The following DOC2B variants were observed in gnomAD, a reference collection of about 807,000 sequenced individuals.
The protein encoded by DOC2B is double C2 domain beta.
Under a neutral mutation model 28.9 loss-of-function variants are expected in DOC2B, and 21 were observed. That is an observed-to-expected ratio of 0.73 (90% CI 0.52 to 1.05). The LOEUF is 1.05. Ranked by LOEUF, DOC2B falls within the 50% of genes least tolerant of loss-of-function variation. The probability of loss-of-function intolerance (pLI) is 0.00; values close to 1 mark genes in which losing one functional copy is unlikely to be tolerated. For missense variants in DOC2B, 384 were observed against 421.1 expected, an observed-to-expected ratio of 0.91 and a Z score of 0.77; for synonymous variants, 194 against 178.1, an observed-to-expected ratio of 1.09 and a Z score of -0.71.
At chr17:172,399 T>C in intron 2 of DOC2B, 138 bp downstream of exon 2, 2 of 615,982 alleles carry the variant, frequency 3.2e-6, no homozygotes, top group Non-Finnish European at 5.4e-6. Context: ...AATTCCTTCC[T>C]GGCCCCGCAC....
At chr17:175,437 T>C (rs2040359487) in intron 1 of DOC2B, among the ~76,000 whole-genome samples, 1 of 152,234 alleles carries the variant, frequency 6.6e-6, no homozygotes, top group African/African-American at 2.4e-5. Context: ...CAGCCCGAGA[T>C]GCACCAATCT....
At chr17:148,054 C>T in intron 8 of DOC2B, 119 bp downstream of exon 8, 1 of 397,014 alleles carries the variant, frequency 2.5e-6, no homozygotes, top group Non-Finnish European at 4.4e-6. Flanking sequence ...GTCTGAGGCC[C>T]CTGACCTAGG....
intron 8 of DOC2B, among the ~76,000 whole-genome samples, chr17:147,838 G>A (rs2151457066): frequency 6.6e-6 from 1 of 152,356 alleles, no homozygotes; most frequent in South Asian, 2.1e-4. Context: ...GCCTGAAGAG[G>A]GGAGAAAGGG....
rs1434767487 is a variant in DOC2B, at chr17:158,245, CCT to C, written c.766-1870_766-1869del. Among the ~76,000 whole-genome samples the C allele has an allele frequency of 7.9e-5, 12 of 152,194 alleles. No individual in the cohort carries two copies. The East Asian group carries it at 2.3e-3, about 29-fold the overall frequency. ...CTTCTGGCTGCTGCACACCCCAAAC[CCT>C]CTCTCCTAGGCCCTCAGCCCCCCCA... is the stretch of plus-strand genomic sequence containing the variant. On this transcript the variant is annotated intron_variant, in intron 5 of 8. Transcript: ENST00000613549.
At chr17:177,952 C>T (rs760624759) in intron 1 of DOC2B, among the ~76,000 whole-genome samples, 11 of 152,380 alleles carry the variant, frequency 7.2e-5, no homozygotes, top group Non-Finnish European at 1.2e-4. Flanking sequence ...AGGTTTAACA[C>T]GGGCATGTGA....
intron 6 of DOC2B, among the ~76,000 whole-genome samples, chr17:152,355 G>A (rs549717069): frequency 6.6e-5 from 10 of 152,260 alleles, no homozygotes; most frequent in African/African-American, 2.2e-4. Context: ...ACATGTCAGC[G>A]ATTGTCACAG....
At chr17:169,017 T>A (rs1366584045) in intron 2 of DOC2B, among the ~76,000 whole-genome samples, 1 of 152,038 alleles carries the variant, frequency 6.6e-6, no homozygotes. Flanking sequence ...AGGGAAGAGA[T>A]GGGGGGTCTG....
At chr17:177,959 G>A (rs1332479086) in intron 1 of DOC2B, among the ~76,000 whole-genome samples, 1 of 152,280 alleles carries the variant, frequency 6.6e-6, no homozygotes, top group Non-Finnish European at 1.5e-5. Flanking sequence ...ACACGGGCAT[G>A]TGATCCAATT....
chr17:181,183 A>ACCCGGGCTGGGG lies in DOC2B; in HGVS notation c.285_296dup (p.Gly99_Pro102dup), dbSNP rs977248255. On this transcript the variant is annotated inframe_insertion, in exon 1 of 9. Transcript: ENST00000613549. The surrounding 1 kb of genome is among the most constrained non-coding windows in gnomAD (Gnocchi z 7.0). ...TGGCTGGCGGCCGCGCGGGGCTGGG[A>ACCCGGGCTGGGG]CCCGGGCTGGGGCCCGGGCTGGAGC... The ACCCGGGCTGGGG allele has an allele frequency of 8.0e-7, 1 of 1,243,720 alleles. No individual in the cohort carries two copies. The allele number at this position is 1,243,720 out of a possible 1,614,324, so 77.0% of individuals were successfully genotyped here.
At chr17:180,027 T>G (rs1597839656) in intron 1 of DOC2B, among the ~76,000 whole-genome samples, 1 of 152,090 alleles carries the variant, frequency 6.6e-6, no homozygotes, top group Non-Finnish European at 1.5e-5. Context: ...CCCTGGTGAG[T>G]GCCCAGGCCA....
chr17:172,468 G>T, intron 2 of DOC2B, 69 bp downstream of exon 2: 2 of 1,334,020 alleles, frequency 1.5e-6, no homozygotes, highest in Non-Finnish European at 1.0e-6. Flanking sequence ...GTGTGGTCTG[G>T]CCTCCCTGAC....
chr17:158,777 A>G (rs2894722), intron 5 of DOC2B, among the ~76,000 whole-genome samples: 128,811 of 152,206 alleles, frequency 0.85, 55,218 homozygotes, highest in Non-Finnish European at 0.91. Context: ...AGGCACAGTG[A>G]CTCATGCCTG....
At chr17:152,081 G>A (rs767896492) in intron 6 of DOC2B, among the ~76,000 whole-genome samples, 2 of 152,082 alleles carry the variant, frequency 1.3e-5, no homozygotes, top group Non-Finnish European at 2.9e-5. Flanking sequence ...TGGCCACCGG[G>A]GCTCACGGAG....
chr17:161,282 C>T, intron 5 of DOC2B, 133 bp downstream of exon 5: 2 of 960,322 alleles, frequency 2.1e-6, no homozygotes, highest in Non-Finnish European at 3.1e-6. Context: ...CTTGACTCTC[C>T]ATGCTCACCT....
chr17:181,248 C>T lies in DOC2B; in HGVS notation c.232G>A (p.Glu78Lys), dbSNP rs1350132998. ...AGCTGGTCCACATCCTCGTCGTCCT[C>T]GCGGGCGCCGTCGGAGGGGCTGCGG... ...GRRSPSDGAR[E>K]DDEDVDQLFG... Residue 78 changes from glutamate (E) to lysine (K), a missense_variant, in exon 1 of 9, where the codon GAG (glutamate) becomes AAG (lysine). By Grantham distance (56) the Glu-to-Lys change is moderately conservative. Transcript: ENST00000613549. The surrounding 1 kb of genome is among the most constrained non-coding windows in gnomAD (Gnocchi z 7.0). The T allele has an allele frequency of 5.9e-5, 72 of 1,213,058 alleles. 1 individual carries two copies. In the Admixed American group the frequency reaches 2.0e-3, roughly 33 times the overall value. The allele number at this position is 1,213,058 out of a possible 1,614,324, so 75.1% of individuals were successfully genotyped here.
chr17:155,247 C>T (rs962590860), intron 6 of DOC2B, among the ~76,000 whole-genome samples: 3 of 152,104 alleles, frequency 2.0e-5, no homozygotes, highest in Non-Finnish European at 4.4e-5. Flanking sequence ...CCTGCCTTGG[C>T]CTCCCAAAGT....
At chr17:154,898 T>C (rs1290420017) in intron 6 of DOC2B, among the ~76,000 whole-genome samples, 4 of 152,146 alleles carry the variant, frequency 2.6e-5, no homozygotes, top group African/African-American at 9.6e-5. Context: ...CCCAGCTAAT[T>C]TTTTTATTTT....
At chr17:160,758 A>C (rs2040192220) in intron 5 of DOC2B, among the ~76,000 whole-genome samples, 1 of 152,158 alleles carries the variant, frequency 6.6e-6, no homozygotes, top group Non-Finnish European at 1.5e-5. Context: ...CATAGAGACC[A>C]AGACTCAGAG....
intron 2 of DOC2B, among the ~76,000 whole-genome samples, chr17:165,487 TAA>T (rs3029494): frequency 0.019 from 2,209 of 119,016 alleles, 68 homozygotes; most frequent in African/African-American, 0.064. Context: ...GTCTCAAGTT[TAA>T]AAAAAAAAAA....
Sources: allele counts gnomAD v4.1 joint callset (sites outside exome capture counted in the v4.1 genomes callset), GRCh38; gene constraint gnomAD v4.1.1; non-coding constraint Gnocchi (gnomAD v3.1); transcripts MANE v1.5; gene names NCBI Gene and HGNC (gene_info 2026-07-23, HGNC 2026-07-21).